Variants in ATP9A observed in about 807,000 individuals in gnomAD.
The protein encoded by ATP9A is ATPase phospholipid transporting 9A.
A neutral mutation model predicts 144.1 loss-of-function variants in ATP9A; 52 were observed. The observed-to-expected ratio is 0.36, with a 90% CI of 0.29 to 0.45. The LOEUF is 0.45. ATP9A is among the 20% of genes least tolerant of loss of function. ATP9A has a pLI of 1.00. For missense variants in ATP9A, 947 were observed against 1,392.7 expected (o/e 0.68, Z 5.09); for synonymous variants, 582 against 557.4 (o/e 1.04, Z -0.62).
rs1314893457 is a variant in ATP9A at position 51,736,489 on chromosome 20, C to CT, written c.69-6512dup. Among the ~76,000 whole-genome samples, 86 of 119,250 alleles carry CT rather than the reference C, an allele frequency of 7.2e-4. 1 individual carries two copies. Among genetic ancestry groups the CT allele is most frequent in the African/African-American group, 2.3e-3 (76 of 33,134 alleles). The allele number at this position is 119,250 out of a possible 152,430, so 78.2% of individuals were successfully genotyped here. A position where few individuals can be genotyped will look rare whatever the true frequency, so the allele number is the denominator to read the frequency against. On this transcript the variant is annotated intron_variant, in intron 1 of 27. Transcript: ENST00000338821. ...GAAATGTTCTCACATTGTAGTTACT[C>CT]TTATTTTTTTTTTTGTCTTTTGTTT...
chr20:51,657,300 G>A, intron 13 of ATP9A, 150 bp from the exon 14 acceptor site: 2 of 596,484 alleles, frequency 3.4e-6, no homozygotes, highest in Non-Finnish European at 5.6e-6. Context: ...GCAAATAAAT[G>A]ACATGCAATT....
intron 9 of ATP9A, among the ~76,000 whole-genome samples, chr20:51,679,454 C>A (rs1035364481): frequency 6.6e-6 from 1 of 152,158 alleles, no homozygotes; most frequent in South Asian, 2.1e-4. Flanking sequence ...TAGACAGGCA[C>A]GTGCTCTGAG....
intron 1 of ATP9A, among the ~76,000 whole-genome samples, chr20:51,760,773 G>C (rs975306439): frequency 1.4e-5 from 2 of 142,202 alleles, no homozygotes; most frequent in Non-Finnish European, 3.0e-5. Flanking sequence ...GCCTGTAATC[G>C]CAACACTTTG....
At chr20:51,718,834 A>C (rs1405207502) in intron 3 of ATP9A, among the ~76,000 whole-genome samples, 1 of 101,712 alleles carries the variant, frequency 9.8e-6, no homozygotes, top group East Asian at 4.0e-4. Context: ...AAAAAAAAAA[A>C]AAAAAAAAAA....
chr20:51,678,245 T>A (rs1465614407), intron 9 of ATP9A, among the ~76,000 whole-genome samples: 1 of 151,964 alleles, frequency 6.6e-6, no homozygotes, highest in African/African-American at 2.4e-5. Context: ...TCAGGGAAGA[T>A]CCCAGGAATA....
chr20:51,686,852 G>A (rs757997267), intron 9 of ATP9A, among the ~76,000 whole-genome samples: 17 of 151,884 alleles, frequency 1.1e-4, no homozygotes, highest in Non-Finnish European at 2.1e-4. Flanking sequence ...GGAGAATCAC[G>A]TGAACCTGGG....
intron 13 of ATP9A, 34 bp downstream of exon 13, chr20:51,669,963 G>T: frequency 2.7e-6 from 4 of 1,471,054 alleles, no homozygotes; most frequent in Non-Finnish European, 2.8e-6. Flanking sequence ...AAAAGTCAAA[G>T]AATTGTTTTG....
intron 11 of ATP9A, among the ~76,000 whole-genome samples, chr20:51,673,776 G>A (rs1030291241): frequency 7.9e-5 from 12 of 152,094 alleles, no homozygotes; most frequent in African/African-American, 2.2e-4. Flanking sequence ...GCCGATGGGC[G>A]CGGTGGCTCA....
intron 13 of ATP9A, among the ~76,000 whole-genome samples, chr20:51,657,581 T>A (rs949260692): frequency 1.3e-5 from 2 of 152,170 alleles, no homozygotes; most frequent in African/African-American, 4.8e-5. Flanking sequence ...AGCCACCAGA[T>A]GCGCTGGACG....
intron 9 of ATP9A, among the ~76,000 whole-genome samples, chr20:51,681,935 C>A (rs2122803042): frequency 6.6e-6 from 1 of 152,258 alleles, no homozygotes; most frequent in East Asian, 1.9e-4. Context: ...GAAATGCTAA[C>A]ATTTTCAGTA....
intron 13 of ATP9A, among the ~76,000 whole-genome samples, chr20:51,659,200 T>C (rs1023057265): frequency 2.0e-5 from 3 of 152,178 alleles, no homozygotes; most frequent in African/African-American, 7.2e-5. Context: ...CCCCAGTTCA[T>C]GGCACTCCAC....
chr20:51,617,765 A>AG (rs1326854956), intron 21 of ATP9A, among the ~76,000 whole-genome samples: 1 of 152,184 alleles, frequency 6.6e-6, no homozygotes, highest in Non-Finnish European at 1.5e-5. Flanking sequence ...CGGCTTGCCA[A>AG]GGGTCCCGGC....
At chr20:51,610,729 T>C (rs1410909067) in intron 23 of ATP9A, among the ~76,000 whole-genome samples, 1 of 152,000 alleles carries the variant, frequency 6.6e-6, no homozygotes, top group Non-Finnish European at 1.5e-5. Context: ...CTAACCAAAG[T>C]GCCGTAGGTA....
intron 1 of ATP9A, among the ~76,000 whole-genome samples, chr20:51,744,784 G>A (rs530108977): frequency 1.3e-5 from 2 of 152,294 alleles, no homozygotes; most frequent in African/African-American, 4.8e-5. Flanking sequence ...CAGGGTCCAG[G>A]AAAGAACAGT....
chr20:51,753,148 T>C (rs1157221763), intron 1 of ATP9A, among the ~76,000 whole-genome samples: 1 of 151,884 alleles, frequency 6.6e-6, no homozygotes, highest in East Asian at 1.9e-4. Flanking sequence ...AAAACATTAC[T>C]TGTAAAGTGA....
At chr20:51,681,262 T>C (rs1269182244) in intron 9 of ATP9A, among the ~76,000 whole-genome samples, 1 of 152,120 alleles carries the variant, frequency 6.6e-6, no homozygotes, top group Admixed American at 6.6e-5. Flanking sequence ...ACTTAATTAG[T>C]ATTGCTCATC....
chr20:51,621,093 G>T (rs1432305115), intron 19 of ATP9A, among the ~76,000 whole-genome samples: 2 of 148,822 alleles, frequency 1.3e-5, no homozygotes, highest in Non-Finnish European at 3.0e-5. Context: ...GTTGCAGTGA[G>T]CCAAGATTGC....
chr20:51,610,061 G>C (rs1427112189), intron 24 of ATP9A, 40 bp downstream of exon 24: 3 of 1,521,314 alleles, frequency 2.0e-6, no homozygotes, highest in Non-Finnish European at 2.7e-6. Context: ...ATTTGAAGAA[G>C]GTTTTGTAAA....
chr20:51,717,751 C>T (rs1330373493), intron 3 of ATP9A, among the ~76,000 whole-genome samples: 1 of 151,932 alleles, frequency 6.6e-6, no homozygotes, highest in African/African-American at 2.4e-5. Context: ...GTCAGGAGTT[C>T]GAGACCAGCC....
Sources: allele counts gnomAD v4.1 joint callset (sites outside exome capture counted in the v4.1 genomes callset), GRCh38; gene constraint gnomAD v4.1.1; transcripts MANE v1.5; gene names NCBI Gene and HGNC (gene_info 2026-07-23, HGNC 2026-07-21).